The following SCAPER variants were observed in gnomAD, a reference collection of about 807,000 sequenced individuals.
SCAPER encodes the protein S-phase cyclin A associated protein in the ER.
Under a neutral mutation model 182.2 loss-of-function variants are expected in SCAPER, and 98 were observed. The observed-to-expected ratio is 0.54, with a 90% CI of 0.46 to 0.64. The LOEUF is 0.64. SCAPER is among the 30% of genes least tolerant of loss of function. The probability of loss-of-function intolerance (pLI) is 0.00; values close to 1 mark genes in which losing one functional copy is unlikely to be tolerated. For missense variants in SCAPER, 1,432 were observed against 1,690.0 expected, an observed-to-expected ratio of 0.85 and a Z score of 2.68; for synonymous variants, 605 against 564.6, an observed-to-expected ratio of 1.07 and a Z score of -1.01.
rs114025148 is a variant in SCAPER at position 76,447,371 on chromosome 15, G to A, written c.3079-13061C>T. On this transcript the variant is annotated intron_variant, in intron 25 of 31. Coordinates refer to ENST00000563290, the MANE Select transcript of SCAPER (RefSeq NM_020843.4). Reference sequence around the variant, plus strand: ...AGCAAATTCATCAAACCCAAGGAAAGGGTCATGGGGAACTCTGATTTATAG... The same window carrying A: ...AGCAAATTCATCAAACCCAAGGAAAAGGTCATGGGGAACTCTGATTTATAG... 4.5e-3 allele frequency among the ~76,000 whole-genome samples: 687 copies of A among 152,292 alleles called. 9 individuals carry two copies. The highest frequency in any genetic ancestry group is 0.016 in the African/African-American group (652 of 41,548).
chr15:76,615,212 G>A (rs191891160), intron 22 of SCAPER, among the ~76,000 whole-genome samples: 3 of 151,676 alleles, frequency 2.0e-5, no homozygotes, highest in East Asian at 1.9e-4. Flanking sequence ...GGGAGGCTGA[G>A]GGGGGGCGGA....
intron 2 of SCAPER, among the ~76,000 whole-genome samples, chr15:76,862,850 G>C (rs2071985189): frequency 6.6e-6 from 1 of 152,168 alleles, no homozygotes; most frequent in South Asian, 2.1e-4. Flanking sequence ...AAGTCCAAGT[G>C]TGAAAGAGAC....
chr15:76,407,109 G>A (rs905896107), intron 26 of SCAPER, among the ~76,000 whole-genome samples: 3 of 152,198 alleles, frequency 2.0e-5, no homozygotes, highest in Non-Finnish European at 4.4e-5. Flanking sequence ...AATGGCATAT[G>A]GGGACGCATT....
chr15:76,734,732 G>A (rs571486260), intron 15 of SCAPER, among the ~76,000 whole-genome samples: 8 of 152,178 alleles, frequency 5.3e-5, no homozygotes, highest in Admixed American at 6.5e-5. Context: ...AAAATTAGCC[G>A]GATGTGGTGG....
chr15:76,538,989 A>G (rs1381187098), intron 23 of SCAPER, among the ~76,000 whole-genome samples: 1 of 152,120 alleles, frequency 6.6e-6, no homozygotes, highest in Non-Finnish European at 1.5e-5. Flanking sequence ...TCCTACAGTC[A>G]TATAAACAAG....
Position 76,357,768 on chromosome 15 carries a change from T to TA in SCAPER, c.3856-3629dup, listed in dbSNP as rs1293941508. ...TACACCATAAAATACTACTCAGCCATAAAAAAAATGAAATCATGTCTTTTG... is the reference window on the plus strand; with the variant it reads ...TACACCATAAAATACTACTCAGCCATAAAAAAAAATGAAATCATGTCTTTTG... On this transcript the variant is annotated intron_variant, in intron 29 of 31. Transcript: ENST00000563290. Among the ~76,000 whole-genome samples, 7 of 152,000 alleles carry TA rather than the reference T, an allele frequency of 4.6e-5. No homozygotes were observed. The South Asian group carries it at 1.2e-3, about 27-fold the overall frequency.
chr15:76,902,724 G>A (rs2074856692), intron 1 of SCAPER, among the ~76,000 whole-genome samples: 1 of 152,088 alleles, frequency 6.6e-6, no homozygotes, highest in South Asian at 2.1e-4. Flanking sequence ...CAAAGAAGTT[G>A]TTTATCCTTT....
At chr15:76,825,685 C>T (rs1450735671) in intron 5 of SCAPER, among the ~76,000 whole-genome samples, 2 of 152,074 alleles carry the variant, frequency 1.3e-5, no homozygotes, top group Non-Finnish European at 2.9e-5. Context: ...TAATAAAAAA[C>T]AGAATCATAA....
intron 22 of SCAPER, among the ~76,000 whole-genome samples, chr15:76,604,870 T>C (rs2050237129): frequency 6.6e-6 from 1 of 151,754 alleles, no homozygotes; most frequent in African/African-American, 2.4e-5. Flanking sequence ...TTTTGCACAT[T>C]TATTTTGTAT....
At chr15:76,841,304 T>G (rs944109863) in intron 5 of SCAPER, among the ~76,000 whole-genome samples, 2 of 152,100 alleles carry the variant, frequency 1.3e-5, no homozygotes, top group African/African-American at 2.4e-5. Context: ...AAGAGGTAAT[T>G]AAATGAAAAG....
chr15:76,667,662 A>AAAC (rs2056706888), intron 20 of SCAPER, among the ~76,000 whole-genome samples: 6 of 132,204 alleles, frequency 4.5e-5, no homozygotes, highest in Non-Finnish European at 6.3e-5. Flanking sequence ...AAAAAAAAAA[A>AAAC]CGCTCCTCAG....
chr15:76,637,767 T>A (rs1444279381), intron 21 of SCAPER, among the ~76,000 whole-genome samples: 12 of 141,206 alleles, frequency 8.5e-5, no homozygotes, highest in African/African-American at 3.3e-4. Context: ...TGTGTGTGTG[T>A]GTGTGTGTGT....
At chr15:76,596,861 T>C (rs1284627757) in intron 22 of SCAPER, among the ~76,000 whole-genome samples, 1 of 122,052 alleles carries the variant, frequency 8.2e-6, no homozygotes, top group African/African-American at 2.5e-5. Flanking sequence ...TCATACTGAA[T>C]GGGCAAAAGC....
chr15:76,412,387 AC>A (rs2045352117), intron 26 of SCAPER, among the ~76,000 whole-genome samples: 1 of 152,116 alleles, frequency 6.6e-6, no homozygotes, highest in African/African-American at 2.4e-5. Flanking sequence ...TAAAAAATGT[AC>A]CACTCTAATG....
chr15:76,434,229 G>A lies in SCAPER; in HGVS notation c.3160C>T (p.Leu1054Phe). Residue 1054 changes from leucine (L) to phenylalanine (F), a missense_variant, in exon 26 of 32, where the codon CTC (leucine) becomes TTC (phenylalanine). By Grantham distance (22) the Leu-to-Phe change is conservative (BLOSUM62 0). Transcript: ENST00000563290. The part of the protein sequence containing the change: ...QVFEGLTTGL[L>F]KVSAVVLGCL... ...CCCAAAACCACAGCACTGACTTTGA[G>A]AAGTCCAGTTGTCAAGCCTTCAAAA... The A allele has an allele frequency of 6.2e-7, 1 of 1,613,872 alleles. No individual in the cohort carries two copies. The highest frequency in any genetic ancestry group is 8.5e-7 in the Non-Finnish European group (1 of 1,179,862).
intron 5 of SCAPER, among the ~76,000 whole-genome samples, chr15:76,818,241 C>A (rs536957264): frequency 6.6e-6 from 1 of 152,306 alleles, no homozygotes; most frequent in African/African-American, 2.4e-5. Flanking sequence ...TGGGACATCA[C>A]ATGCAAAAAC....
At chr15:76,458,978 T>A (rs915806518) in intron 25 of SCAPER, among the ~76,000 whole-genome samples, 2 of 152,182 alleles carry the variant, frequency 1.3e-5, no homozygotes, top group Admixed American at 6.6e-5. Flanking sequence ...CACTGCAGCC[T>A]TGACCTCCTG....
intron 10 of SCAPER, among the ~76,000 whole-genome samples, chr15:76,770,210 G>C (rs1414391160): frequency 1.3e-5 from 2 of 150,238 alleles, no homozygotes; most frequent in Admixed American, 1.3e-4. Context: ...GTCAGGGGGT[G>C]GGGGGCTGGG....
chr15:76,889,423 GA>G (rs2074039783), intron 1 of SCAPER, among the ~76,000 whole-genome samples: 1 of 152,088 alleles, frequency 6.6e-6, no homozygotes, highest in African/African-American at 2.4e-5. Flanking sequence ...GTATTCAGGA[GA>G]CCCATCTCAT....
Sources: allele counts gnomAD v4.1 joint callset (sites outside exome capture counted in the v4.1 genomes callset), GRCh38; gene constraint gnomAD v4.1.1; transcripts MANE v1.5; gene names NCBI Gene and HGNC (gene_info 2026-07-23, HGNC 2026-07-21).